Variants in LRMDA observed in about 807,000 individuals in gnomAD.
LRMDA encodes leucine rich melanocyte differentiation associated, also known as leucine-rich melanocyte differentiation-associated protein.
Under a neutral mutation model 29.8 loss-of-function variants are expected in LRMDA, and 18 were observed. That is an observed-to-expected ratio of 0.60 (90% CI 0.42 to 0.90). LRMDA has a LOEUF of 0.90. Among genes scored for constraint, LRMDA ranks in the 40% least tolerant of loss-of-function variants. The pLI is 0.00. For missense variants in LRMDA, 273 were observed against 273.9 expected (o/e 1.00, Z 0.02); for synonymous variants, 125 against 109.4 (o/e 1.14, Z -0.89).
Position 76,385,298 on chromosome 10 carries a change from A to G in LRMDA, c.601+60813A>G, listed in dbSNP as rs539399239. On this transcript the variant is annotated intron_variant, in intron 6 of 6. Transcript: ENST00000611255. ...TTTATGTACCAATCGAGTGTACTCT[A>G]TTTCTGTTGGTGCTTCCTAAACAGT... Among the ~76,000 whole-genome samples, 6 of 152,210 alleles carry G rather than the reference A, an allele frequency of 3.9e-5. No individual in the cohort carries two copies. In the South Asian group the frequency reaches 8.3e-4, roughly 21 times the overall value.
chr10:76,181,105 C>G (rs539526331), intron 5 of LRMDA, among the ~76,000 whole-genome samples: 1 of 152,170 alleles, frequency 6.6e-6, no homozygotes, highest in Non-Finnish European at 1.5e-5. Context: ...GGACCTGGAT[C>G]CCCAGCCCAT....
At chr10:76,244,353 T>C (rs1451055786) in intron 5 of LRMDA, among the ~76,000 whole-genome samples, 1 of 152,180 alleles carries the variant, frequency 6.6e-6, no homozygotes, top group Admixed American at 6.5e-5. Context: ...GAAATCTTTT[T>C]CATCTTCTAC....
intron 2 of LRMDA, among the ~76,000 whole-genome samples, chr10:75,526,310 C>T (rs1183447625): frequency 2.6e-5 from 4 of 152,104 alleles, no homozygotes; most frequent in African/African-American, 9.7e-5. Context: ...AGCAATCCTC[C>T]TGCTTCAGCC....
chr10:76,243,044 G>A (rs1316995133), intron 5 of LRMDA, among the ~76,000 whole-genome samples: 1 of 152,046 alleles, frequency 6.6e-6, no homozygotes, highest in African/African-American at 2.4e-5. Context: ...AGAACATCTC[G>A]TATAAACAGC....
chr10:75,732,664 C>T (rs1039654059), intron 2 of LRMDA, among the ~76,000 whole-genome samples: 1 of 152,074 alleles, frequency 6.6e-6, no homozygotes, highest in Admixed American at 6.6e-5. Context: ...TGGGAAATAC[C>T]ACAGCCTGCA....
intron 6 of LRMDA, among the ~76,000 whole-genome samples, chr10:76,457,516 T>TG (rs1842469043): frequency 6.6e-6 from 1 of 151,780 alleles, no homozygotes; most frequent in Admixed American, 6.6e-5. Context: ...TTTGTGTTTT[T>TG]TTTGGTGATT....
At chr10:76,457,865 G>T (rs550581353) in intron 6 of LRMDA, among the ~76,000 whole-genome samples, 1 of 152,124 alleles carries the variant, frequency 6.6e-6, no homozygotes, top group East Asian at 1.9e-4. Flanking sequence ...ACTTTATAGG[G>T]TGTAGCTGCT....
intron 2 of LRMDA, among the ~76,000 whole-genome samples, chr10:75,829,095 C>G (rs571792215): frequency 6.6e-6 from 1 of 152,272 alleles, no homozygotes; most frequent in African/African-American, 2.4e-5. Context: ...AAAAGTTAGT[C>G]TTGGCAAAAT....
At chr10:76,401,006 T>C (rs565570374) in intron 6 of LRMDA, among the ~76,000 whole-genome samples, 1 of 152,334 alleles carries the variant, frequency 6.6e-6, no homozygotes, top group Admixed American at 6.5e-5. Flanking sequence ...AGCATTTCCT[T>C]TGAGGGTCAT....
intron 2 of LRMDA, among the ~76,000 whole-genome samples, chr10:75,963,812 C>A (rs1846810099): frequency 6.6e-6 from 1 of 152,178 alleles, no homozygotes; most frequent in South Asian, 2.1e-4. Flanking sequence ...TATGCATATC[C>A]ACACACATTT....
At chr10:76,164,886 A>G (rs1273573127) in intron 5 of LRMDA, among the ~76,000 whole-genome samples, 2 of 152,208 alleles carry the variant, frequency 1.3e-5, no homozygotes, top group Non-Finnish European at 2.9e-5. Context: ...ATGGATTACA[A>G]CAGTGAACAA....
At chr10:76,355,602 A>G (rs942931837) in intron 6 of LRMDA, among the ~76,000 whole-genome samples, 2 of 152,182 alleles carry the variant, frequency 1.3e-5, no homozygotes, top group African/African-American at 4.8e-5. Context: ...TGTTGATTCC[A>G]AAGTCTGTGA....
chr10:75,668,947 T>G (rs1841859094), intron 2 of LRMDA, among the ~76,000 whole-genome samples: 1 of 152,196 alleles, frequency 6.6e-6, no homozygotes, highest in South Asian at 2.1e-4. Context: ...TTCTTTTCTA[T>G]CATATAGTGG....
intron 2 of LRMDA, among the ~76,000 whole-genome samples, chr10:75,614,419 T>A (rs1307990137): frequency 1.3e-5 from 2 of 152,236 alleles, no homozygotes; most frequent in East Asian, 3.9e-4. Flanking sequence ...CGGCCATTAG[T>A]TTTTTTCAGA....
chr10:76,323,061 T>C (rs1044739131), intron 5 of LRMDA, among the ~76,000 whole-genome samples: 1 of 152,146 alleles, frequency 6.6e-6, no homozygotes, highest in Non-Finnish European at 1.5e-5. Context: ...TTCTTGGTGG[T>C]TAAGCTTTTA....
At chr10:76,191,663 G>A (rs1390810105) in intron 5 of LRMDA, among the ~76,000 whole-genome samples, 2 of 152,202 alleles carry the variant, frequency 1.3e-5, no homozygotes, top group Non-Finnish European at 2.9e-5. Context: ...TTTTAGGAGG[G>A]CAGTGAAAGC....
intron 3 of LRMDA, among the ~76,000 whole-genome samples, chr10:76,043,101 G>A (rs543469423): frequency 6.6e-6 from 1 of 152,054 alleles, no homozygotes; most frequent in African/African-American, 2.4e-5. Context: ...CAGCCTGGGC[G>A]ACAGAGTGAG....
intron 2 of LRMDA, among the ~76,000 whole-genome samples, chr10:75,719,113 T>C (rs375761452): frequency 2.0e-5 from 3 of 152,240 alleles, no homozygotes; most frequent in African/African-American, 4.8e-5. Context: ...CATTGCAAGA[T>C]TGACAATTGT....
chr10:76,244,662 C>T lies in LRMDA; in HGVS notation c.517-79739C>T, dbSNP rs190336113. On this transcript the variant is annotated intron_variant, in intron 5 of 6. Transcript: ENST00000611255. The stretch of plus-strand genomic sequence containing the variant: ...ATTCCCAGCCATGGAGAAGAGACAA[C>T]ACATGGGAGGGGAGTGCGTATAATA... Among the ~76,000 whole-genome samples the T allele has an allele frequency of 2.0e-3, 307 of 152,150 alleles. 3 individuals carry two copies. The highest frequency in any genetic ancestry group is 6.9e-3 in the African/African-American group (285 of 41,518).
Sources: allele counts gnomAD v4.1 joint callset (sites outside exome capture counted in the v4.1 genomes callset), GRCh38; gene constraint gnomAD v4.1.1; transcripts MANE v1.5; gene names NCBI Gene and HGNC (gene_info 2026-07-23, HGNC 2026-07-21).